Variants in SPHKAP observed in about 807,000 individuals in gnomAD.
SPHKAP encodes A-kinase anchor protein SPHKAP.
A neutral mutation model predicts 137.5 loss-of-function variants in SPHKAP; 67 were observed. The ratio of observed to expected loss-of-function variants is 0.49; its 90% CI spans 0.40 to 0.60. The LOEUF (loss-of-function observed/expected upper bound fraction) is 0.60, where lower values mean the gene tolerates loss of function less well. Ranked by LOEUF, SPHKAP falls within the 20% of genes least tolerant of loss-of-function variation. SPHKAP has a pLI of 0.00. For missense variants in SPHKAP, 2,097 were observed against 2,069.3 expected (o/e 1.01, Z -0.26); for synonymous variants, 813 against 785.3 (o/e 1.04, Z -0.59).
intron 2 of SPHKAP, among the ~76,000 whole-genome samples, chr2:228,111,443 G>A (rs1396595978): frequency 6.6e-6 from 1 of 152,154 alleles, no homozygotes; most frequent in Non-Finnish European, 1.5e-5. Context: ...GAAGGTGGCT[G>A]AAAAGGATAA....
chr2:228,154,530 A>ATATATATATATATT (rs1700044292), intron 1 of SPHKAP, among the ~76,000 whole-genome samples: 1 of 48,444 alleles, frequency 2.1e-5, no homozygotes, highest in African/African-American at 7.2e-5. Context: ...ATATATATAT[A>ATATATATATATATT]TATTTTTTTT....
chr2:228,181,527 G>C lies in SPHKAP; in HGVS notation c.32+40C>G, dbSNP rs1700913446. ...CGACTCACAACGCGGAACGGAGTTT[G>C]ATCGACATGGTATTGGGCATAGAAA... On this transcript the variant is annotated intron_variant, in intron 1 of 11. Coordinates refer to ENST00000392056, the MANE Select transcript of SPHKAP (RefSeq NM_001142644.2). The surrounding 1 kb of genome is among the most constrained non-coding windows in gnomAD (Gnocchi z 4.3). 1 of 1,614,114 alleles carries C rather than the reference G, an allele frequency of 6.2e-7. No individual in the cohort carries two copies. Among genetic ancestry groups the C allele is most frequent in the East Asian group, 2.2e-5 (1 of 44,854 alleles).
intron 11 of SPHKAP, among the ~76,000 whole-genome samples, chr2:227,986,205 T>A (rs1693203334): frequency 6.6e-6 from 1 of 152,228 alleles, no homozygotes; most frequent in African/African-American, 2.4e-5. Flanking sequence ...CCAATGAGTT[T>A]CTTTGAAGCT....
intron 3 of SPHKAP, among the ~76,000 whole-genome samples, chr2:228,036,831 C>T (rs4973067): frequency 6.6e-6 from 1 of 150,834 alleles, no homozygotes; most frequent in Non-Finnish European, 1.5e-5. Context: ...GGAATTGAAC[C>T]ATGAGAACAC....
chr2:228,165,394 G>T (rs138464335), intron 1 of SPHKAP, among the ~76,000 whole-genome samples: 1 of 152,158 alleles, frequency 6.6e-6, no homozygotes, highest in Admixed American at 6.5e-5. Context: ...TTTATCAAGG[G>T]CCTGCTTTCT....
rs1700910748 is a variant in SPHKAP at position 228,181,468 on chromosome 2, T to G, written c.32+99A>C. 1 of 1,545,274 alleles carries G rather than the reference T, an allele frequency of 6.5e-7. No homozygotes were observed. The highest frequency in any genetic ancestry group is 2.2e-5 in the East Asian group (1 of 44,446). Reference sequence around the variant, plus strand: ...CCCTGTCTCCTCGCTGGGAGCCCCGTGCAAACCGAAGCGCTCTGGGGCAAG... The same window carrying G: ...CCCTGTCTCCTCGCTGGGAGCCCCGGGCAAACCGAAGCGCTCTGGGGCAAG... On this transcript the variant is annotated intron_variant, in intron 1 of 11. Transcript: ENST00000392056. This position sits in a 1 kb window ranked among gnomAD's most constrained non-coding sequence, Gnocchi z 4.3.
chr2:228,168,458 A>G (rs931206489), intron 1 of SPHKAP, among the ~76,000 whole-genome samples: 3 of 152,092 alleles, frequency 2.0e-5, no homozygotes, highest in African/African-American at 7.2e-5. Context: ...ATATTTTAAA[A>G]TTTGTCATTA....
intron 7 of SPHKAP, among the ~76,000 whole-genome samples, chr2:228,014,124 C>T (rs1694481013): frequency 6.6e-6 from 1 of 152,102 alleles, no homozygotes; most frequent in African/African-American, 2.4e-5. Flanking sequence ...TTTTATTCAA[C>T]TTCAGTGACA....
intron 1 of SPHKAP, among the ~76,000 whole-genome samples, chr2:228,142,702 G>T (rs377580364): frequency 2.0e-5 from 3 of 152,088 alleles, no homozygotes; most frequent in African/African-American, 7.2e-5. Context: ...GTTTTGGAGG[G>T]TGGAGGGTGG....
At chr2:228,110,963 T>C (rs1240829364) in intron 2 of SPHKAP, among the ~76,000 whole-genome samples, 1 of 152,158 alleles carries the variant, frequency 6.6e-6, no homozygotes, top group Non-Finnish European at 1.5e-5. Context: ...AAATAAAAAA[T>C]TTTCTTAGCT....
Position 228,019,447 on chromosome 2 carries a change from G to C in SPHKAP, c.1407C>G (p.Ser469=), listed in dbSNP as rs758572170. Reference sequence around the variant, plus strand: ...CAACAGAGACTTCCATCTCAGGCCAGGAGGAGATGCCTGGCTGTGGGGCAG... The same window carrying C: ...CAACAGAGACTTCCATCTCAGGCCACGAGGAGATGCCTGGCTGTGGGGCAG... ...SDAAPQPGIS[S]WPEMEVSVET... is the part of the protein sequence containing the mutation. The change falls in exon 7 of 12, where the codon TCC becomes TCG. Residue 469 remains serine (S), a synonymous_variant. Coordinates refer to ENST00000392056, the MANE Select transcript of SPHKAP (RefSeq NM_001142644.2). 9.9e-6 allele frequency: 16 copies of C among 1,614,070 alleles called. No homozygotes were observed. In the African/African-American group the frequency reaches 1.6e-4, roughly 16 times the overall value.
At chr2:228,119,672 C>T (rs1698846696) in intron 2 of SPHKAP, among the ~76,000 whole-genome samples, 1 of 151,962 alleles carries the variant, frequency 6.6e-6, no homozygotes, top group South Asian at 2.1e-4. Context: ...ATTTAAAGCA[C>T]ACTGAACTAC....
At chr2:228,117,124 G>A (rs779212992) in intron 2 of SPHKAP, among the ~76,000 whole-genome samples, 2 of 152,072 alleles carry the variant, frequency 1.3e-5, no homozygotes, top group African/African-American at 2.4e-5. Context: ...TATTATGTAA[G>A]TATATACGTA....
In SPHKAP at chr2:228,019,127, C is replaced by T. The variant is rs1336261525; in HGVS notation, c.1727G>A (p.Arg576Lys). 1.9e-6 allele frequency: 3 copies of T among 1,613,824 alleles called. 1 individual carries two copies. Among genetic ancestry groups the T allele is most frequent in the South Asian group, 2.2e-5 (2 of 91,088 alleles). ...AGCCACTGAGCATGTCACCTCTTCT[C>T]TTTCACCCAGACCACAGACAGCCAC... ...SAVAVCGLGEREEVTCSVAPS... is the reference protein window; with the variant it reads ...SAVAVCGLGEKEEVTCSVAPS... The change falls in exon 7 of 12, where the codon AGA (arginine) becomes AAA (lysine). Residue 576 changes from arginine (R) to lysine (K), a missense_variant. By Grantham distance (26) the Arg-to-Lys change is conservative. Coordinates refer to ENST00000392056, the MANE Select transcript of SPHKAP (RefSeq NM_001142644.2).
intron 8 of SPHKAP, 113 bp from the exon 9 acceptor site, chr2:227,993,733 G>T (rs192052197): frequency 1.8e-5 from 17 of 927,826 alleles, no homozygotes; most frequent in Non-Finnish European, 2.4e-5. Flanking sequence ...GAAAAATATC[G>T]CTTTGTGCCT....
chr2:228,049,978 T>G (rs1388183713), intron 3 of SPHKAP, among the ~76,000 whole-genome samples: 1 of 151,916 alleles, frequency 6.6e-6, no homozygotes, highest in African/African-American at 2.4e-5. Context: ...TATAAGAAAC[T>G]GCAATAACTC....
chr2:228,175,607 G>A (rs190710897), intron 1 of SPHKAP, among the ~76,000 whole-genome samples: 14 of 152,196 alleles, frequency 9.2e-5, no homozygotes, highest in Admixed American at 8.5e-4. Context: ...TTAATGCAAA[G>A]CAGAGCAGAA....
intron 3 of SPHKAP, among the ~76,000 whole-genome samples, chr2:228,075,970 G>A (rs1426963357): frequency 2.0e-5 from 3 of 152,272 alleles, no homozygotes; most frequent in Non-Finnish European, 2.9e-5. Context: ...CAATTCCCTC[G>A]TGTTGTGAGA....
chr2:227,989,777 TG>T (rs1355171750), intron 11 of SPHKAP, among the ~76,000 whole-genome samples: 43 of 80,636 alleles, frequency 5.3e-4, no homozygotes, highest in Middle Eastern at 5.7e-3. Context: ...GGCTAATTTT[TG>T]TTTTTTTTTT....
Sources: gnomAD v4.1 joint callset for allele counts (sites outside exome capture counted in the v4.1 genomes callset) on GRCh38, gnomAD v4.1.1 for gene constraint, Gnocchi (gnomAD v3.1) non-coding constraint, MANE v1.5 for transcripts, NCBI Gene and HGNC (gene_info 2026-07-23, HGNC 2026-07-21) for gene names.